CDK17: variants seen among roughly 807,000 people sequenced by gnomAD.
CDK17 encodes cyclin dependent kinase 17.
CDK17 carries 24 observed loss-of-function variants against 77.6 expected under a neutral mutation model. The observed-to-expected ratio is 0.31, with a 90% CI of 0.22 to 0.44. The LOEUF is 0.44. CDK17 is among the 20% of genes least tolerant of loss of function. The pLI, the probability that CDK17 is intolerant of heterozygous loss-of-function variation, is 1.00. For missense variants in CDK17, 429 were observed against 622.5 expected (o/e 0.69, Z 3.31); for synonymous variants, 203 against 210.4 (o/e 0.96, Z 0.30).
At chr12:96,315,150 T>G (rs1336978722) in intron 3 of CDK17, among the ~76,000 whole-genome samples, 1 of 152,250 alleles carries the variant, frequency 6.6e-6, no homozygotes, top group South Asian at 2.1e-4. Context: ...ATATAAAATA[T>G]CAATGTGTGA....
At chr12:96,321,976 C>T (rs1952823672) in intron 3 of CDK17, among the ~76,000 whole-genome samples, 1 of 151,708 alleles carries the variant, frequency 6.6e-6, no homozygotes. Context: ...AAAAAATTCA[C>T]ACTTAAAAAA....
chr12:96,375,577 C>T (rs1376755796), intron 1 of CDK17, among the ~76,000 whole-genome samples: 3 of 145,970 alleles, frequency 2.1e-5, no homozygotes, highest in East Asian at 2.0e-4. Context: ...TACAATGGCG[C>T]GATCTCAGCT....
chr12:96,382,949 G>T (rs567023608), intron 1 of CDK17, among the ~76,000 whole-genome samples: 3 of 151,974 alleles, frequency 2.0e-5, no homozygotes, highest in South Asian at 2.1e-4. Flanking sequence ...AAAATCAAAG[G>T]CATCTGAATA....
intron 4 of CDK17, among the ~76,000 whole-genome samples, chr12:96,311,978 A>G (rs1341810711): frequency 6.6e-6 from 1 of 152,234 alleles, no homozygotes; most frequent in Non-Finnish European, 1.5e-5. Flanking sequence ...AATAAGAAAG[A>G]GTATATGTGT....
At chr12:96,351,096 T>C (rs1953304715) in intron 1 of CDK17, among the ~76,000 whole-genome samples, 1 of 152,108 alleles carries the variant, frequency 6.6e-6, no homozygotes, top group Non-Finnish European at 1.5e-5. Flanking sequence ...TCAACATTAT[T>C]ACTCATTGGA....
intron 1 of CDK17, among the ~76,000 whole-genome samples, chr12:96,381,367 A>C (rs201552150): frequency 3.5e-4 from 1 of 2,838 alleles, no homozygotes; most frequent in Non-Finnish European, 8.7e-4. Flanking sequence ...TTTTCCTACA[A>C]AAAAAAAAAA....
intron 1 of CDK17, among the ~76,000 whole-genome samples, chr12:96,369,940 T>C (rs1350716024): frequency 1.3e-5 from 2 of 152,186 alleles, no homozygotes; most frequent in Non-Finnish European, 2.9e-5. Context: ...CACAAGATTA[T>C]GAACACCCCA....
chr12:96,361,097 C>T (rs772682378), intron 1 of CDK17, among the ~76,000 whole-genome samples: 9 of 152,110 alleles, frequency 5.9e-5, no homozygotes, highest in Non-Finnish European at 1.2e-4. Context: ...TCCAGACCTC[C>T]GAAAAGAAAA....
intron 2 of CDK17, among the ~76,000 whole-genome samples, chr12:96,333,798 C>T (rs1953004001): frequency 6.6e-6 from 1 of 152,056 alleles, no homozygotes; most frequent in African/African-American, 2.4e-5. Flanking sequence ...AGTACTGGTT[C>T]TGGAGCTGGG....
chr12:96,298,984 C>T lies in CDK17; in HGVS notation c.601-1G>A. On this transcript the variant is annotated splice_acceptor_variant, in intron 6 of 16. Coordinates refer to ENST00000261211, the MANE Select transcript of CDK17 (RefSeq NM_002595.5). LOFTEE classifies it high-confidence loss of function. ...CTTTATATACTGTTGCATATGTACC[C>T]TATAAAATATATTTTTAAAGGACGC... The T allele has an allele frequency of 7.1e-7, 1 of 1,416,554 alleles. No individual in the cohort carries two copies. 87.7% of individuals were successfully genotyped at this position (1,416,554 alleles called of 1,614,324 possible). A position where few individuals can be genotyped will look rare whatever the true frequency, so the allele number is the denominator to read the frequency against.
At chr12:96,391,518 T>G (rs2137245770) in intron 1 of CDK17, among the ~76,000 whole-genome samples, 1 of 152,230 alleles carries the variant, frequency 6.6e-6, no homozygotes, top group South Asian at 2.1e-4. Context: ...CTCGAACCCC[T>G]GACCTCAAGT....
intron 9 of CDK17, among the ~76,000 whole-genome samples, chr12:96,296,356 C>T (rs953228322): frequency 6.6e-6 from 1 of 152,098 alleles, no homozygotes; most frequent in African/African-American, 2.4e-5. Context: ...ATGAAAACAA[C>T]CCTGACAGAA....
At chr12:96,302,458 T>C (rs1008373661) in intron 5 of CDK17, among the ~76,000 whole-genome samples, 7 of 152,140 alleles carry the variant, frequency 4.6e-5, no homozygotes, top group African/African-American at 1.7e-4. Flanking sequence ...AATTCATGAA[T>C]ATGGAACTAC....
intron 3 of CDK17, among the ~76,000 whole-genome samples, chr12:96,317,075 T>C (rs1217564605): frequency 1.5e-5 from 2 of 129,276 alleles, no homozygotes; most frequent in African/African-American, 5.7e-5. Context: ...TTTAGAAGAA[T>C]GTATAACTAG....
rs1316417524 is a variant in CDK17 at position 96,280,853 on chromosome 12, A to T, written c.1489T>A (p.Leu497Met). The T allele has an allele frequency of 1.9e-6, 3 of 1,613,916 alleles. No homozygotes were observed. The highest frequency in any genetic ancestry group is 2.5e-6 in the Non-Finnish European group (3 of 1,179,978). ...TTTCGAAAACCCGGGTCCTTTTGCA[A>T]CTGAATCTCTTTCAAACTGAATATT... ...VSIFSLKEIQ[L>M]QKDPGFRNSS... Residue 497 changes from leucine to methionine, a missense_variant, in exon 16 of 17, where the codon TTG becomes ATG. Physicochemically the swap from Leu to Met is conservative, Grantham distance 15. Coordinates refer to ENST00000261211, the MANE Select transcript of CDK17 (RefSeq NM_002595.5).
chr12:96,285,744 C>G (rs545851246), intron 13 of CDK17: 1 of 174,966 alleles, frequency 5.7e-6, no homozygotes, highest in South Asian at 1.5e-4. Flanking sequence ...CTTACATAAC[C>G]CTTTCTTAGG....
intron 1 of CDK17, among the ~76,000 whole-genome samples, chr12:96,345,684 ATAT>A (rs1565829074): frequency 6.6e-6 from 1 of 152,212 alleles, no homozygotes; most frequent in Non-Finnish European, 1.5e-5. Context: ...CAGACTATTT[ATAT>A]ACTACTAAGT....
intron 1 of CDK17, chr12:96,399,387 G>A (rs947742357): frequency 6.6e-6 from 1 of 152,506 alleles, no homozygotes; most frequent in Admixed American, 6.5e-5. Flanking sequence ...CCGCCAGCAG[G>A]AGGCTGCCCT....
At chr12:96,355,198 A>G (rs150229266) in intron 1 of CDK17, among the ~76,000 whole-genome samples, 1 of 151,518 alleles carries the variant, frequency 6.6e-6, no homozygotes, top group South Asian at 2.1e-4. Context: ...CTTTTTTTGC[A>G]CTTGCCCTTC....
Sources: allele counts gnomAD v4.1 joint callset (sites outside exome capture counted in the v4.1 genomes callset), GRCh38; gene constraint gnomAD v4.1.1; transcripts MANE v1.5; gene names NCBI Gene and HGNC (gene_info 2026-07-23, HGNC 2026-07-21).